The following BCL2L13 variants were observed in gnomAD, a reference collection of about 807,000 sequenced individuals.
BCL2L13 encodes bcl-2-like protein 13.
Under a neutral mutation model 25.8 loss-of-function variants are expected in BCL2L13, and 13 were observed. The ratio of observed to expected loss-of-function variants is 0.50; its 90% confidence interval spans 0.33 to 0.80. The LOEUF (loss-of-function observed/expected upper bound fraction) is 0.80. Ranked by LOEUF, BCL2L13 falls within the 30% of genes least tolerant of loss-of-function variation. The pLI is 0.02. For synonymous variants in BCL2L13, 244 were observed against 230.3 expected (o/e 1.06, Z -0.54); for missense variants, 504 against 574.9 (o/e 0.88, Z 1.26).
chr22:17,632,374 A>C (rs2058044396), intron 1 of BCL2L13, among the ~76,000 whole-genome samples: 1 of 152,190 alleles, frequency 6.6e-6, no homozygotes, highest in Non-Finnish European at 1.5e-5. Context: ...AAACTGATGC[A>C]ATTGACCTTA....
chr22:17,639,139 G>A (rs1443763251), intron 1 of BCL2L13, among the ~76,000 whole-genome samples: 3 of 152,204 alleles, frequency 2.0e-5, no homozygotes, highest in Admixed American at 1.3e-4. Flanking sequence ...GTGGGGTGCC[G>A]GAGGCGGAGG....
In BCL2L13 at chr22:17,702,346, A is replaced by C. The variant is rs756286371; in HGVS notation, c.560A>C (p.Glu187Ala). 6.2e-6 allele frequency: 10 copies of C among 1,611,618 alleles called. No homozygotes were observed. Among genetic ancestry groups the C allele is most frequent in the Non-Finnish European group, 6.8e-6 (8 of 1,178,826 alleles). ...CTGCAGTTTGGCGTGACATACCTGG[A>C]GGACTATTCGGCAGAGTACATCATT... ...ALLQFGVTYL[E>A]DYSAEYIIQQ... The change falls in exon 6 of 7, where the codon GAG becomes GCG. Residue 187 changes from glutamate to alanine, a missense_variant. By Grantham distance (107) the Glu-to-Ala change is moderately radical. Transcript: ENST00000317582.
chr22:17,700,376 G>A (rs565806300), intron 5 of BCL2L13, among the ~76,000 whole-genome samples: 1 of 152,250 alleles, frequency 6.6e-6, no homozygotes, highest in South Asian at 2.1e-4. Flanking sequence ...TTCGATATAT[G>A]AAAGAGTTAA....
At chr22:17,667,847 T>G (rs954514907) in intron 2 of BCL2L13, among the ~76,000 whole-genome samples, 1 of 152,118 alleles carries the variant, frequency 6.6e-6, no homozygotes, top group Non-Finnish European at 1.5e-5. Flanking sequence ...CAGATTCTTA[T>G]CAGATACATG....
chr22:17,677,295 T>TTTTGTGATAA (rs2059602501), intron 2 of BCL2L13, among the ~76,000 whole-genome samples: 1 of 152,258 alleles, frequency 6.6e-6, no homozygotes, highest in Non-Finnish European at 1.5e-5. Flanking sequence ...GAATCTGTGA[T>TTTTGTGATAA]ACGTAAAAAT....
chr22:17,730,322 A>G lies in BCL2L13; in HGVS notation c.*2788A>G, dbSNP rs1052136929. 9 of 152,026 alleles carry G rather than the reference A, an allele frequency of 5.9e-5. No homozygotes were observed. The highest frequency in any genetic ancestry group is 1.2e-4 in the Non-Finnish European group (8 of 68,028). The allele number at this position is 152,026 out of a possible 1,614,324, so 9.4% of individuals were successfully genotyped here. A position where few individuals can be genotyped will look rare whatever the true frequency, so the allele number is the denominator to read the frequency against. On this transcript the variant is annotated 3_prime_UTR_variant, in exon 7 of 7. Coordinates refer to ENST00000317582, the MANE Select transcript of BCL2L13 (RefSeq NM_015367.4). ...CAACTGTTGACCTTCTGGTTCACCCATCTCCCCCTCGAGGCATTCTTGATA... is the reference window on the plus strand; with the variant it reads ...CAACTGTTGACCTTCTGGTTCACCCGTCTCCCCCTCGAGGCATTCTTGATA...
At chr22:17,659,530 G>A (rs111910889) in intron 2 of BCL2L13, among the ~76,000 whole-genome samples, 6 of 144,934 alleles carry the variant, frequency 4.1e-5, no homozygotes, top group Non-Finnish European at 4.7e-5. Flanking sequence ...GTGTGGTGGC[G>A]GGTGCCTGTA....
intron 3 of BCL2L13, among the ~76,000 whole-genome samples, chr22:17,685,754 C>CTT (rs2059909181): frequency 1.9e-5 from 1 of 53,996 alleles, no homozygotes; most frequent in Non-Finnish European, 4.0e-5. Context: ...ATAATTTTTT[C>CTT]TTTTTCTTTT....
intron 4 of BCL2L13, among the ~76,000 whole-genome samples, chr22:17,691,482 T>G (rs2145637819): frequency 6.6e-6 from 1 of 152,196 alleles, no homozygotes; most frequent in Non-Finnish European, 1.5e-5. Flanking sequence ...CCGTCTCTAC[T>G]AAAAATACAA....
intron 3 of BCL2L13, among the ~76,000 whole-genome samples, chr22:17,683,957 A>G (rs1315101792): frequency 6.6e-6 from 1 of 151,420 alleles, no homozygotes; most frequent in Admixed American, 6.6e-5. Flanking sequence ...TTACAGGTGT[A>G]AGCCACCATG....
Position 17,662,020 on chromosome 22 carries a change from T to G in BCL2L13, c.121+6188T>G, listed in dbSNP as rs577473996. Among the ~76,000 whole-genome samples the G allele has an allele frequency of 1.9e-3, 292 of 152,188 alleles. 1 individual carries two copies. Among genetic ancestry groups the G allele is most frequent in the Middle Eastern group, 3.4e-3 (1 of 294 alleles). ...AAAAAAAAAAAATTGCATAATTATTTTAAAATTTACAGTATAATTGTTACT... is the reference window on the plus strand; with the variant it reads ...AAAAAAAAAAAATTGCATAATTATTGTAAAATTTACAGTATAATTGTTACT... On this transcript the variant is annotated intron_variant, in intron 2 of 6. Coordinates refer to ENST00000317582, the MANE Select transcript of BCL2L13 (RefSeq NM_015367.4).
intron 1 of BCL2L13, among the ~76,000 whole-genome samples, chr22:17,652,473 T>C (rs920134111): frequency 2.6e-5 from 4 of 152,128 alleles, no homozygotes; most frequent in African/African-American, 9.7e-5. Flanking sequence ...AGTCTTGTTC[T>C]TGTTGCCCAA....
At chr22:17,713,404 A>C (rs1398811453) in intron 6 of BCL2L13, among the ~76,000 whole-genome samples, 1 of 152,016 alleles carries the variant, frequency 6.6e-6, no homozygotes, top group Non-Finnish European at 1.5e-5. Flanking sequence ...TATAGAGCCC[A>C]TCAATTTATG....
intron 5 of BCL2L13, among the ~76,000 whole-genome samples, chr22:17,698,889 T>C (rs576259128): frequency 6.6e-6 from 1 of 152,340 alleles, no homozygotes; most frequent in African/African-American, 2.4e-5. Flanking sequence ...TGGAGTAATA[T>C]AATATGTGAT....
intron 1 of BCL2L13, among the ~76,000 whole-genome samples, chr22:17,641,948 C>T (rs1187525605): frequency 2.0e-5 from 3 of 151,426 alleles, no homozygotes; most frequent in East Asian, 2.0e-4. Flanking sequence ...TACAGGCGCC[C>T]GCCACCACGC....
intron 5 of BCL2L13, among the ~76,000 whole-genome samples, chr22:17,696,824 C>T (rs1251925766): frequency 6.6e-6 from 1 of 152,056 alleles, no homozygotes; most frequent in East Asian, 1.9e-4. Context: ...TTCCACTGTA[C>T]ATGTTGCTTA....
chr22:17,699,445 CAA>C (rs10571950), intron 5 of BCL2L13, among the ~76,000 whole-genome samples: 7,066 of 152,042 alleles, frequency 0.046, 211 homozygotes, highest in African/African-American at 0.074. Context: ...ACCTGTTAAA[CAA>C]AGAGACCACA....
At chr22:17,720,199 C>A (rs926599290) in intron 6 of BCL2L13, among the ~76,000 whole-genome samples, 1 of 52,276 alleles carries the variant, frequency 1.9e-5, no homozygotes, top group African/African-American at 8.6e-5. Context: ...GACAGGGTCT[C>A]GTTCTGTCAT....
At chr22:17,637,484 C>A (rs1333762001), upstream of BCL2L13, among the ~76,000 whole-genome samples, 1 of 151,394 alleles carries the variant, frequency 6.6e-6, no homozygotes, top group Non-Finnish European at 1.5e-5. Context: ...AAGCGATTCT[C>A]CTGCATCGGC....
Sources: gnomAD v4.1 joint callset for allele counts (sites outside exome capture counted in the v4.1 genomes callset) on GRCh38, gnomAD v4.1.1 for gene constraint, MANE v1.5 for transcripts, NCBI Gene and HGNC (gene_info 2026-07-23, HGNC 2026-07-21) for gene names.